The following FGF13 variants were observed in gnomAD, a reference collection of about 807,000 sequenced individuals.
FGF13 encodes fibroblast growth factor 13.
FGF13 carries 2 observed loss-of-function variants against 19.5 expected under a neutral mutation model. That is an observed-to-expected ratio of 0.10 (90% CI 0.04 to 0.32). FGF13 has a LOEUF of 0.32. Among genes scored for constraint, FGF13 ranks in the 10% least tolerant of loss-of-function variants. The pLI is 1.00. For missense variants in FGF13, 113 were observed against 192.7 expected (o/e 0.59, Z 2.45); for synonymous variants, 72 against 76.9 (o/e 0.94, Z 0.33).
Position 138,768,701 on chromosome X carries a change from T to TGA in FGF13, c.218-59774_218-59773insTC, listed in dbSNP as rs766573945. The stretch of plus-strand genomic sequence containing the variant: ...TATCATACTTATATATAAGTATATA[T>TGA]TATATATATATATATAAGTATATAT... On this transcript the variant is annotated intron_variant, in intron 3 of 6. Coordinates refer to the FGF13 transcript ENST00000436198. Among the ~76,000 whole-genome samples, 38 of 98,727 alleles carry TGA rather than the reference T, an allele frequency of 3.8e-4. 1 individual carries two copies. Among genetic ancestry groups the TGA allele is most frequent in the East Asian group, 2.9e-3 (10 of 3,401 alleles). The allele number at this position is 98,727 out of a possible 115,157, so 85.7% of individuals were successfully genotyped here. A position where few individuals can be genotyped will look rare whatever the true frequency, so the allele number is the denominator to read the frequency against.
At chrX:139,170,263 C>G (rs2084120193) in intron 1 of FGF13, among the ~76,000 whole-genome samples, 1 of 111,621 alleles carries the variant, frequency 9.0e-6, no homozygotes, top group South Asian at 3.8e-4. Flanking sequence ...TACCACTCAG[C>G]AAGCTAAGCC....
chrX:139,091,230 G>A (rs933825340), intron 1 of FGF13, among the ~76,000 whole-genome samples: 2 of 110,983 alleles, frequency 1.8e-5, no homozygotes, highest in African/African-American at 6.6e-5. Context: ...AAGCAAACTT[G>A]GCAAACCCCC....
chrX:138,686,543 A>T (rs1304094019), intron 3 of FGF13, among the ~76,000 whole-genome samples: 1 of 111,954 alleles, frequency 8.9e-6, no homozygotes, highest in East Asian at 2.8e-4. Context: ...CATGTTATTT[A>T]TTCAATAAAT....
At chrX:138,910,687 T>A (rs183233933) in intron 1 of FGF13, among the ~76,000 whole-genome samples, 140 of 112,291 alleles carry the variant, frequency 1.2e-3, no homozygotes, top group African/African-American at 4.0e-3. Context: ...GCATCTACCA[T>A]CCCTCCTTGA....
intron 3 of FGF13, among the ~76,000 whole-genome samples, chrX:138,817,543 T>G (rs973015708): frequency 2.7e-5 from 3 of 111,892 alleles, no homozygotes; most frequent in African/African-American, 9.7e-5. Context: ...GCATGTATGC[T>G]CTCCTTTTTA....
chrX:138,701,151 A>G (rs1372717890), intron 3 of FGF13, among the ~76,000 whole-genome samples: 1 of 112,277 alleles, frequency 8.9e-6, no homozygotes, highest in Admixed American at 9.5e-5. Flanking sequence ...TTTTCTCATC[A>G]GGGCACCATA....
intron 1 of FGF13, among the ~76,000 whole-genome samples, chrX:139,014,881 G>T (rs1310971766): frequency 9.0e-6 from 1 of 111,138 alleles, no homozygotes; most frequent in Non-Finnish European, 1.9e-5. Flanking sequence ...GACCAACTGG[G>T]ATTTATCTCA....
chrX:139,081,731 T>G (rs1308553357), intron 1 of FGF13, among the ~76,000 whole-genome samples: 23 of 111,060 alleles, frequency 2.1e-4, no homozygotes, highest in Non-Finnish European at 4.3e-4. Flanking sequence ...TTCCTCTCTC[T>G]CTCTCTCTCT....
chrX:139,056,072 T>C lies in FGF13; in HGVS notation c.-113+147344A>G, dbSNP rs181558745. ...TTTGCTTTCTCAATATATTAATGAA[T>C]GAATATAAGTGTCTGGGGAATCCCC... On this transcript the variant is annotated intron_variant, in intron 1 of 2. Coordinates refer to the FGF13 transcript ENST00000421460. Among the ~76,000 whole-genome samples the C allele has an allele frequency of 3.2e-3, 363 of 112,572 alleles. 1 individual carries two copies. The highest frequency in any genetic ancestry group is 5.0e-3 in the Non-Finnish European group (265 of 53,332).
chrX:138,972,699 T>C (rs2091923734), intron 1 of FGF13, among the ~76,000 whole-genome samples: 1 of 111,372 alleles, frequency 9.0e-6, no homozygotes, highest in African/African-American at 3.3e-5. Context: ...ATAATAGCCA[T>C]TTTAATGGGC....
At chrX:138,952,029 C>T (rs1332219666) in intron 1 of FGF13, among the ~76,000 whole-genome samples, 3 of 111,263 alleles carry the variant, frequency 2.7e-5, no homozygotes, top group Non-Finnish European at 5.7e-5. Flanking sequence ...TTCAATGCAA[C>T]CCCCATCAAG....
intron 1 of FGF13, among the ~76,000 whole-genome samples, chrX:138,920,293 C>T (rs5931516): frequency 0.05 from 5,559 of 111,156 alleles, 133 homozygotes; most frequent in Middle Eastern, 0.094. Context: ...TATCTATTTC[C>T]TCTTTTATGA....
intron 1 of FGF13, among the ~76,000 whole-genome samples, chrX:139,177,238 C>CTTTTT (rs35867493): frequency 0.02 from 1,005 of 49,844 alleles, 119 homozygotes; most frequent in African/African-American, 0.091. Flanking sequence ...GCAACCCCTG[C>CTTTTT]TTTTTTTTTT....
At chrX:138,815,786 GA>G (rs1294876023) in intron 3 of FGF13, among the ~76,000 whole-genome samples, 1 of 109,559 alleles carries the variant, frequency 9.1e-6, no homozygotes. Flanking sequence ...AAAAAAAGAA[GA>G]AAAAAAGTAA....
At chrX:138,789,472 G>A (rs1392318581) in intron 3 of FGF13, among the ~76,000 whole-genome samples, 5 of 109,072 alleles carry the variant, frequency 4.6e-5, no homozygotes, top group African/African-American at 1.7e-4. Context: ...CAGCCACCGC[G>A]CCCAGCCCAG....
chrX:139,038,437 C>T (rs188730846), intron 1 of FGF13, among the ~76,000 whole-genome samples: 1 of 111,511 alleles, frequency 9.0e-6, no homozygotes. Flanking sequence ...CCTTTTAAAA[C>T]CTTCCTACCT....
intron 3 of FGF13, among the ~76,000 whole-genome samples, chrX:138,688,751 AAAG>A (rs2089810341): frequency 8.9e-6 from 1 of 112,141 alleles, no homozygotes; most frequent in African/African-American, 3.2e-5. Context: ...GACCATATAA[AAAG>A]AAGACTGCTC....
intron 1 of FGF13, among the ~76,000 whole-genome samples, chrX:139,176,442 C>T (rs973669002): frequency 1.6e-4 from 15 of 96,306 alleles, no homozygotes; most frequent in Non-Finnish European, 3.1e-4. Context: ...CACTTCTTGT[C>T]TTCTGTCTTC....
chrX:138,785,494 A>G (rs1442631240), intron 3 of FGF13, among the ~76,000 whole-genome samples: 2 of 111,137 alleles, frequency 1.8e-5, no homozygotes, highest in Non-Finnish European at 3.8e-5. Flanking sequence ...TATAGACATC[A>G]CTGTTATCAA....
Sources: gnomAD v4.1 joint callset for allele counts (sites outside exome capture counted in the v4.1 genomes callset) on GRCh38, gnomAD v4.1.1 for gene constraint, MANE v1.5 for transcripts, NCBI Gene and HGNC (gene_info 2026-07-23, HGNC 2026-07-21) for gene names.